MMP16: variants seen among roughly 807,000 people sequenced by gnomAD.
The protein encoded by MMP16 is matrix metallopeptidase 16.
A neutral mutation model predicts 67.8 loss-of-function variants in MMP16; 12 were observed. That is an observed-to-expected ratio of 0.18 (90% confidence interval 0.11 to 0.29). The LOEUF is 0.29. Ranked by LOEUF, MMP16 falls within the 10% of genes least tolerant of loss-of-function variation. The pLI is 1.00. For missense variants in MMP16, 475 were observed against 765.7 expected (o/e 0.62, Z 4.48); for synonymous variants, 249 against 255.9 (o/e 0.97, Z 0.26).
intron 5 of MMP16, among the ~76,000 whole-genome samples, chr8:88,118,324 C>G (rs963165381): frequency 4.6e-5 from 7 of 151,932 alleles, no homozygotes; most frequent in African/African-American, 1.7e-4. Context: ...GTAGAAAAGT[C>G]TCAGCATTTT....
At chr8:88,108,641 T>A (rs1035205467) in intron 6 of MMP16, among the ~76,000 whole-genome samples, 25 of 151,310 alleles carry the variant, frequency 1.7e-4, no homozygotes, top group Non-Finnish European at 1.2e-4. Context: ...GCATAAGACT[T>A]ACAATTACTA....
At position 88,035,594 on chromosome 8, in the gene MMP16, G is replaced by A. The variant is rs576974737; in HGVS notation, c.*5867C>T. On this transcript the variant is annotated 3_prime_UTR_variant, in exon 10 of 10. Coordinates refer to ENST00000286614, the MANE Select transcript of MMP16 (RefSeq NM_005941.5). This position sits in a 1 kb window ranked among gnomAD's most constrained non-coding sequence, Gnocchi z 4.7. The stretch of plus-strand genomic sequence containing the variant: ...AGTTATGAATGTCTGTGAAGTCTCC[G>A]TTATAACACTAAGCTTCTGTGATCT... 1.1e-4 allele frequency: 16 copies of A among 152,006 alleles called. No individual in the cohort carries two copies. Among genetic ancestry groups the A allele is most frequent in the African/African-American group, 2.4e-4 (10 of 41,520 alleles). 9.4% of individuals were successfully genotyped at this position (152,006 alleles called of 1,614,324 possible).
intron 5 of MMP16, among the ~76,000 whole-genome samples, chr8:88,117,519 A>C (rs1809456191): frequency 6.6e-6 from 1 of 152,116 alleles, no homozygotes; most frequent in African/African-American, 2.4e-5. Flanking sequence ...CTACTAATTC[A>C]TGAGGTCATG....
intron 9 of MMP16, among the ~76,000 whole-genome samples, chr8:88,044,208 G>A (rs1268910945): frequency 6.6e-6 from 1 of 152,206 alleles, no homozygotes; most frequent in Non-Finnish European, 1.5e-5. Flanking sequence ...CACTTTGGGA[G>A]GCCGAGGCAA....
chr8:88,278,810 T>A (rs1351651711), intron 1 of MMP16, among the ~76,000 whole-genome samples: 1 of 152,194 alleles, frequency 6.6e-6, no homozygotes, highest in African/African-American at 2.4e-5. Context: ...GGGAATAGGA[T>A]GACTTTATTA....
intron 1 of MMP16, among the ~76,000 whole-genome samples, chr8:88,213,321 C>A (rs4514028): frequency 0.49 from 74,957 of 151,462 alleles, 20,382 homozygotes; most frequent in Non-Finnish European, 0.63. Flanking sequence ...ACCTTGTCAT[C>A]ACGAGACGTT....
At chr8:88,050,336 A>AAT (rs1371597853) in intron 8 of MMP16, among the ~76,000 whole-genome samples, 5 of 152,136 alleles carry the variant, frequency 3.3e-5, no homozygotes, top group African/African-American at 1.2e-4. Flanking sequence ...TAATAATAAT[A>AAT]AATAAAATTT....
intron 7 of MMP16, among the ~76,000 whole-genome samples, chr8:88,069,717 G>A (rs1808520172): frequency 6.6e-6 from 1 of 152,100 alleles, no homozygotes; most frequent in Admixed American, 6.6e-5. Flanking sequence ...GTGGGGTTTA[G>A]GGAACAAGTT....
At chr8:88,061,113 T>C (rs1463727931) in intron 7 of MMP16, among the ~76,000 whole-genome samples, 1 of 147,584 alleles carries the variant, frequency 6.8e-6, no homozygotes, top group African/African-American at 2.6e-5. Context: ...AGCCCTTGTA[T>C]AATCTGAATA....
chr8:88,208,619 G>C (rs1809465318), intron 1 of MMP16, among the ~76,000 whole-genome samples: 1 of 152,058 alleles, frequency 6.6e-6, no homozygotes. Context: ...CTATTGAACA[G>C]ATCCCCAATA....
At chr8:88,243,552 A>C (rs1586222902) in intron 1 of MMP16, among the ~76,000 whole-genome samples, 1 of 152,184 alleles carries the variant, frequency 6.6e-6, no homozygotes, top group African/African-American at 2.4e-5. Context: ...AAAATGTTGC[A>C]GTAGACTCTG....
At chr8:88,226,146 G>T (rs1809765921) in intron 1 of MMP16, among the ~76,000 whole-genome samples, 1 of 151,856 alleles carries the variant, frequency 6.6e-6, no homozygotes, top group Non-Finnish European at 1.5e-5. Context: ...TATATTAGGT[G>T]TATTAACTTC....
intron 1 of MMP16, among the ~76,000 whole-genome samples, chr8:88,204,047 T>C (rs1809387560): frequency 6.6e-6 from 1 of 152,208 alleles, no homozygotes; most frequent in East Asian, 1.9e-4. Flanking sequence ...TCACATGACA[T>C]TACACTCAGA....
intron 4 of MMP16, among the ~76,000 whole-genome samples, chr8:88,136,362 T>A (rs1016402094): frequency 4.6e-5 from 7 of 151,910 alleles, no homozygotes; most frequent in African/African-American, 1.7e-4. Context: ...CTCAATTTAA[T>A]CAAATTAAAA....
At chr8:88,155,582 C>G (rs1808495577) in intron 4 of MMP16, among the ~76,000 whole-genome samples, 1 of 152,086 alleles carries the variant, frequency 6.6e-6, no homozygotes, top group South Asian at 2.1e-4. Context: ...CTTCCACCAT[C>G]CTTTGAGAGA....
At chr8:88,073,408 A>G (rs1808594704) in intron 7 of MMP16, among the ~76,000 whole-genome samples, 1 of 152,166 alleles carries the variant, frequency 6.6e-6, no homozygotes, top group Non-Finnish European at 1.5e-5. Flanking sequence ...AGTCCTTAAA[A>G]TCATTTTGAG....
chr8:88,109,833 G>A (rs1382105), intron 6 of MMP16, among the ~76,000 whole-genome samples: 53,261 of 150,806 alleles, frequency 0.35, 10,895 homozygotes, highest in Non-Finnish European at 0.46. Context: ...TTTTTAACAT[G>A]GAAAAGACTT....
At chr8:88,065,943 C>T (rs1808458413) in intron 7 of MMP16, among the ~76,000 whole-genome samples, 2 of 152,068 alleles carry the variant, frequency 1.3e-5, no homozygotes, top group South Asian at 4.1e-4. Context: ...TTGTGTATGC[C>T]ATTTTTATTC....
In MMP16 at chr8:88,327,275, C is replaced by T. The variant is rs1586022644; in HGVS notation, c.-69G>A. ...CTCCCTCTCTCCCTCTCCCTCCCTC[C>T]CTCGTTTCCTTTCAAAAAAAAGTCC... On this transcript the variant is annotated 5_prime_UTR_variant, in exon 1 of 10. Transcript: ENST00000286614. 6.3e-7 allele frequency: 1 copy of T among 1,597,524 alleles called. No individual in the cohort carries two copies. The highest frequency in any genetic ancestry group is 1.7e-4 in the Middle Eastern group (1 of 5,990).
Sources: allele counts gnomAD v4.1 joint callset (sites outside exome capture counted in the v4.1 genomes callset), GRCh38; gene constraint gnomAD v4.1.1; non-coding constraint Gnocchi (gnomAD v3.1); transcripts MANE v1.5; gene names NCBI Gene and HGNC (gene_info 2026-07-23, HGNC 2026-07-21).